Variants in HECW2 observed in about 807,000 individuals in gnomAD.
HECW2 encodes the protein HECT, C2 and WW domain containing E3 ubiquitin protein ligase 2.
HECW2 carries 61 observed loss-of-function variants against 175.2 expected under a neutral mutation model. The ratio of observed to expected loss-of-function variants is 0.35; its 90% CI spans 0.28 to 0.43. The LOEUF is 0.43. Among genes scored for constraint, HECW2 ranks in the 20% least tolerant of loss-of-function variants. The probability of loss-of-function intolerance (pLI) is 1.00; values close to 1 mark genes in which losing one functional copy is unlikely to be tolerated. For synonymous variants in HECW2, 671 were observed against 731.0 expected (o/e 0.92, Z 1.32); for missense variants, 1,524 against 2,000.5 (o/e 0.76, Z 4.54).
intron 1 of HECW2, among the ~76,000 whole-genome samples, chr2:196,508,976 G>T (rs1687855013): frequency 6.6e-6 from 1 of 152,176 alleles, no homozygotes; most frequent in African/African-American, 2.4e-5. Flanking sequence ...GCTGAGGCAG[G>T]AGAATGGCAT....
At chr2:196,445,393 AC>A (rs1308119806) in intron 1 of HECW2, among the ~76,000 whole-genome samples, 2 of 152,084 alleles carry the variant, frequency 1.3e-5, no homozygotes, top group African/African-American at 4.8e-5. Context: ...ATCTCCATTC[AC>A]TTGTTTAATT....
intron 1 of HECW2, among the ~76,000 whole-genome samples, chr2:196,561,336 C>G (rs1292855797): frequency 6.6e-6 from 1 of 152,166 alleles, no homozygotes; most frequent in Non-Finnish European, 1.5e-5. Flanking sequence ...GCTCTCTGCT[C>G]TTGAACCCTG....
intron 21 of HECW2, among the ~76,000 whole-genome samples, chr2:196,229,475 G>T (rs1172754112): frequency 6.6e-6 from 1 of 152,118 alleles, no homozygotes; most frequent in Non-Finnish European, 1.5e-5. Context: ...GCCTGGGCAA[G>T]GAGTTTGAGA....
chr2:196,463,845 CA>C (rs1488573461), intron 1 of HECW2, among the ~76,000 whole-genome samples: 2 of 152,148 alleles, frequency 1.3e-5, no homozygotes, highest in Non-Finnish European at 2.9e-5. Context: ...GCCCAACTAG[CA>C]ACATTCAATA....
chr2:196,350,788 G>C (rs1305227145), intron 2 of HECW2, among the ~76,000 whole-genome samples: 1 of 152,204 alleles, frequency 6.6e-6, no homozygotes, highest in Non-Finnish European at 1.5e-5. Flanking sequence ...AATTACTATG[G>C]TAAAGGTAAC....
chr2:196,414,507 T>G (rs1334052067), intron 2 of HECW2, among the ~76,000 whole-genome samples: 2 of 152,136 alleles, frequency 1.3e-5, no homozygotes, highest in Non-Finnish European at 1.5e-5. Flanking sequence ...ATTCTGTGAG[T>G]GTGGAGTGTC....
chr2:196,282,887 A>G (rs571231917), intron 14 of HECW2, among the ~76,000 whole-genome samples: 70 of 152,230 alleles, frequency 4.6e-4, no homozygotes, highest in Non-Finnish European at 9.6e-4. Context: ...TCCTTGGCTG[A>G]GAGGAGGGGT....
intron 2 of HECW2, among the ~76,000 whole-genome samples, chr2:196,376,869 T>C (rs1355403074): frequency 6.7e-6 from 1 of 148,974 alleles, no homozygotes; most frequent in Non-Finnish European, 1.5e-5. Flanking sequence ...GAGGTGGAGG[T>C]TGCAGTGAGC....
At chr2:196,264,506 C>A (rs550509926) in intron 17 of HECW2, among the ~76,000 whole-genome samples, 2 of 152,206 alleles carry the variant, frequency 1.3e-5, no homozygotes, top group East Asian at 1.9e-4. Flanking sequence ...GGAGAAATAT[C>A]CAGTGGATGA....
intron 23 of HECW2, among the ~76,000 whole-genome samples, chr2:196,225,013 C>A (rs1687798788): frequency 1.3e-5 from 2 of 152,178 alleles, no homozygotes; most frequent in African/African-American, 4.8e-5. Flanking sequence ...AAGTGCGTGG[C>A]CTCAGTTAGG....
intron 17 of HECW2, 111 bp from the exon 18 acceptor site, chr2:196,258,017 G>T: frequency 1.4e-6 from 1 of 729,326 alleles, no homozygotes. Context: ...TACCTATTAT[G>T]TGGCAGCTAC....
intron 1 of HECW2, among the ~76,000 whole-genome samples, chr2:196,582,419 G>A (rs965429714): frequency 6.6e-6 from 1 of 152,172 alleles, no homozygotes; most frequent in Admixed American, 6.5e-5. Flanking sequence ...AGTAGTTTCT[G>A]TTTCTGTATC....
At chr2:196,453,128 C>T (rs1696398683) in intron 1 of HECW2, among the ~76,000 whole-genome samples, 1 of 152,168 alleles carries the variant, frequency 6.6e-6, no homozygotes, top group African/African-American at 2.4e-5. Flanking sequence ...AATTAATCCA[C>T]TCACATAAGA....
At chr2:196,399,797 A>T (rs1049103512) in intron 2 of HECW2, among the ~76,000 whole-genome samples, 2 of 152,236 alleles carry the variant, frequency 1.3e-5, no homozygotes, top group African/African-American at 4.8e-5. Flanking sequence ...TCAAATTATA[A>T]GCAAGTATTA....
intron 1 of HECW2, among the ~76,000 whole-genome samples, chr2:196,502,527 C>T (rs148127805): frequency 6.6e-6 from 1 of 152,284 alleles, no homozygotes; most frequent in East Asian, 1.9e-4. Context: ...AATCGCACTC[C>T]AATGCAATTG....
chr2:196,572,381 C>T (rs1690418939), intron 1 of HECW2, among the ~76,000 whole-genome samples: 1 of 151,996 alleles, frequency 6.6e-6, no homozygotes, highest in Non-Finnish European at 1.5e-5. Flanking sequence ...CGAAGTCATA[C>T]TGTATTGCCC....
chr2:196,502,891 C>T (rs1427393691), intron 1 of HECW2, among the ~76,000 whole-genome samples: 3 of 152,150 alleles, frequency 2.0e-5, no homozygotes, highest in African/African-American at 7.2e-5. Context: ...AGGTCCAAAT[C>T]CCTATGTCTA....
intron 1 of HECW2, among the ~76,000 whole-genome samples, chr2:196,531,506 C>CA (rs1261446671): frequency 6.6e-6 from 1 of 151,732 alleles, no homozygotes; most frequent in Admixed American, 6.6e-5. Context: ...AAATACAATA[C>CA]AAAAAATTAG....
intron 1 of HECW2, among the ~76,000 whole-genome samples, chr2:196,531,456 G>A (rs1688835788): frequency 6.6e-6 from 1 of 152,098 alleles, no homozygotes; most frequent in South Asian, 2.1e-4. Context: ...AGGAGTTCGA[G>A]ACCAGCCTGG....
Sources: gnomAD v4.1 joint callset for allele counts (sites outside exome capture counted in the v4.1 genomes callset) on GRCh38, gnomAD v4.1.1 for gene constraint, MANE v1.5 for transcripts, NCBI Gene and HGNC (gene_info 2026-07-23, HGNC 2026-07-21) for gene names.